NEK10: variants seen among roughly 807,000 people sequenced by gnomAD.
The protein encoded by NEK10 is NIMA related kinase 10.
Under a neutral mutation model 159.8 loss-of-function variants are expected in NEK10, and 122 were observed. The ratio of observed to expected loss-of-function variants is 0.76; its 90% CI spans 0.66 to 0.89. The LOEUF is 0.89. NEK10 is among the 40% of genes least tolerant of loss of function. The probability of loss-of-function intolerance (pLI) is 0.00; values close to 1 mark genes in which losing one functional copy is unlikely to be tolerated. For synonymous variants in NEK10, 466 were observed against 457.1 expected (o/e 1.02, Z -0.25); for missense variants, 1,342 against 1,323.1 (o/e 1.01, Z -0.22).
chr3:27,255,498 A>G (rs1956084216), intron 23 of NEK10, among the ~76,000 whole-genome samples: 1 of 86,944 alleles, frequency 1.2e-5, no homozygotes, highest in African/African-American at 1.2e-4. Context: ...ACTATAGGCT[A>G]GATTTAAAAA....
Position 27,311,020 on chromosome 3 carries a change from TA to T in NEK10, c.569-5del. ...GCAGCAAGTTTTTGAAAAATATCTA[TA>T]AAGGAAAGAAAGAGCGCAAAGAGGC... is the stretch of plus-strand genomic sequence containing the variant. On this transcript the variant is annotated splice_polypyrimidine_tract_variant and splice_region_variant and intron_variant, in intron 8 of 35. Coordinates refer to ENST00000691995, the MANE Select transcript of NEK10 (RefSeq NM_001394966.1). 2 of 1,600,824 alleles carry T rather than the reference TA, an allele frequency of 1.2e-6. No homozygotes were observed. The highest frequency in any genetic ancestry group is 1.7e-6 in the Non-Finnish European group (2 of 1,168,598).
intron 23 of NEK10, among the ~76,000 whole-genome samples, chr3:27,223,371 A>C (rs1317803396): frequency 6.6e-6 from 1 of 152,114 alleles, no homozygotes; most frequent in African/African-American, 2.4e-5. Context: ...GCTTGTCATG[A>C]TCCCCCTGTA....
At chr3:27,124,237 A>C (rs895224784) in intron 32 of NEK10, among the ~76,000 whole-genome samples, 3 of 152,178 alleles carry the variant, frequency 2.0e-5, no homozygotes, top group African/African-American at 7.2e-5. Context: ...GCTAATAAAA[A>C]AATGCTTAAT....
At chr3:27,229,580 G>C (rs925842516) in intron 23 of NEK10, among the ~76,000 whole-genome samples, 1 of 152,026 alleles carries the variant, frequency 6.6e-6, no homozygotes, top group Non-Finnish European at 1.5e-5. Context: ...TACTCAAGGA[G>C]ATAACAGAGG....
intron 26 of NEK10, among the ~76,000 whole-genome samples, chr3:27,186,559 G>A (rs1275868908): frequency 2.0e-5 from 3 of 152,258 alleles, no homozygotes; most frequent in South Asian, 2.1e-4. Flanking sequence ...GGAGATACAC[G>A]GAGAGTTTGA....
At chr3:27,312,891 G>T (rs1363483472) in intron 7 of NEK10, among the ~76,000 whole-genome samples, 1 of 152,086 alleles carries the variant, frequency 6.6e-6, no homozygotes, top group Non-Finnish European at 1.5e-5. Flanking sequence ...AAATAAAGTA[G>T]ATTTAATGTT....
chr3:27,263,932 G>A (rs972698034), intron 22 of NEK10, among the ~76,000 whole-genome samples: 8 of 152,092 alleles, frequency 5.3e-5, no homozygotes, highest in African/African-American at 1.2e-4. Flanking sequence ...GTTCCTATTC[G>A]GCCATCTTGG....
chr3:27,265,349 A>AT (rs1172574621), intron 22 of NEK10, among the ~76,000 whole-genome samples: 4 of 152,142 alleles, frequency 2.6e-5, no homozygotes, highest in African/African-American at 9.7e-5. Context: ...ATTTGATTTT[A>AT]TAAAAACTGC....
At chr3:27,309,106 A>G in intron 9 of NEK10, 101 bp from the exon 10 acceptor site, 1 of 641,508 alleles carries the variant, frequency 1.6e-6, no homozygotes, top group Admixed American at 2.6e-5. Context: ...TGCTTGAATG[A>G]CAAAATGCTT....
intron 1 of NEK10, chr3:27,368,881 G>A (rs1427929707): frequency 6.6e-6 from 1 of 152,318 alleles, no homozygotes; most frequent in Admixed American, 6.5e-5. Context: ...TCATAGAGAT[G>A]AAGAATGAAC....
At position 27,276,456 on chromosome 3, in the gene NEK10, T is replaced by C. The variant is rs532652955; in HGVS notation, c.2014+8146A>G. ...GTCCCAGAGGCATACAGCCACATCC[T>C]GTTCAGGAAAGTGCAATCTGTCCCA... On this transcript the variant is annotated intron_variant, in intron 22 of 35. Coordinates refer to ENST00000691995, the MANE Select transcript of NEK10 (RefSeq NM_001394966.1). Among the ~76,000 whole-genome samples the C allele has an allele frequency of 5.3e-5, 8 of 152,204 alleles. No individual in the cohort carries two copies. The South Asian group carries it at 1.5e-3, about 28-fold the overall frequency.
intron 11 of NEK10, among the ~76,000 whole-genome samples, chr3:27,305,826 G>C (rs1301612774): frequency 6.6e-6 from 1 of 152,036 alleles, no homozygotes. Context: ...GAAATATTAT[G>C]ATGATAAACG....
intron 30 of NEK10, among the ~76,000 whole-genome samples, chr3:27,155,482 C>T (rs1230354634): frequency 6.7e-6 from 1 of 149,644 alleles, no homozygotes; most frequent in Non-Finnish European, 1.5e-5. Flanking sequence ...AGCCTGGCAA[C>T]AGAGTGAGAC....
chr3:27,254,951 A>ACC (rs1956031481), intron 23 of NEK10, among the ~76,000 whole-genome samples: 1 of 151,634 alleles, frequency 6.6e-6, no homozygotes, highest in South Asian at 2.1e-4. Flanking sequence ...ACACACACAC[A>ACC]CAGTTGATAC....
intron 23 of NEK10, among the ~76,000 whole-genome samples, chr3:27,235,150 A>T (rs1039400351): frequency 6.6e-6 from 1 of 152,126 alleles, no homozygotes; most frequent in Non-Finnish European, 1.5e-5. Context: ...AAAACCCAAA[A>T]CTATAAAAAC....
At chr3:27,262,982 C>T (rs542698937) in intron 22 of NEK10, among the ~76,000 whole-genome samples, 4 of 152,238 alleles carry the variant, frequency 2.6e-5, no homozygotes, top group East Asian at 3.9e-4. Flanking sequence ...ATGATGGTGA[C>T]GTACAGATGG....
At chr3:27,128,200 C>A (rs150622406) in intron 32 of NEK10, among the ~76,000 whole-genome samples, 149 of 151,054 alleles carry the variant, frequency 9.9e-4, no homozygotes, top group African/African-American at 3.4e-3. Flanking sequence ...TGCGTTCCAA[C>A]AACACTTTAT....
Position 27,202,443 on chromosome 3 carries a change from C to G in NEK10, c.2205G>C (p.Leu735=). The change falls in exon 24 of 36, where the codon CTG becomes CTC. Residue 735 remains leucine (L), a synonymous_variant. Coordinates refer to ENST00000691995, the MANE Select transcript of NEK10 (RefSeq NM_001394966.1). ...LSPPFYSTNM[L]SLATKIVEAV... The stretch of plus-strand genomic sequence containing the variant: ...CGTTGCTTACTTTTGTAGCCAAGGA[C>G]AGCATGTTAGTGCTGTAGAAGGGGG... 6.2e-7 allele frequency: 1 copy of G among 1,612,478 alleles called. No individual in the cohort carries two copies. Among genetic ancestry groups the G allele is most frequent in the Admixed American group, 1.7e-5 (1 of 59,884 alleles).
At chr3:27,153,064 G>A (rs1289451211) in intron 30 of NEK10, among the ~76,000 whole-genome samples, 1 of 152,126 alleles carries the variant, frequency 6.6e-6, no homozygotes, top group Non-Finnish European at 1.5e-5. Flanking sequence ...GCTCATGCCT[G>A]TAATCCCAGC....
Sources: allele counts gnomAD v4.1 joint callset (sites outside exome capture counted in the v4.1 genomes callset), GRCh38; gene constraint gnomAD v4.1.1; transcripts MANE v1.5; gene names NCBI Gene and HGNC (gene_info 2026-07-23, HGNC 2026-07-21).